STARD13: variants seen among roughly 807,000 people sequenced by gnomAD.
The protein encoded by STARD13 is stAR-related lipid transfer protein 13.
In STARD13, 62 loss-of-function variants were observed where a neutral mutation model predicts 106.4. The ratio of observed to expected loss-of-function variants is 0.58; its 90% CI spans 0.48 to 0.72. The LOEUF is 0.72. STARD13 is among the 30% of genes least tolerant of loss of function. The probability of loss-of-function intolerance (pLI) is 0.00; values close to 1 mark genes in which losing one functional copy is unlikely to be tolerated. For missense variants in STARD13, 1,387 were observed against 1,424.0 expected (o/e 0.97, Z 0.42); for synonymous variants, 565 against 553.0 (o/e 1.02, Z -0.31).
At chr13:33,157,683 A>G (rs1287518658) in intron 3 of STARD13, among the ~76,000 whole-genome samples, 2 of 152,068 alleles carry the variant, frequency 1.3e-5, no homozygotes, top group Non-Finnish European at 2.9e-5. Flanking sequence ...ACAAACAAAC[A>G]AAGAAAGAAA....
intron 1 of STARD13, among the ~76,000 whole-genome samples, chr13:33,242,457 C>G (rs1439598217): frequency 1.3e-5 from 2 of 152,146 alleles, no homozygotes; most frequent in African/African-American, 4.8e-5. Flanking sequence ...TACCCTCAAC[C>G]CCGTGCTCTC....
the STARD13 span, among the ~76,000 whole-genome samples, chr13:33,449,788 T>A: frequency 6.6e-6 from 1 of 152,284 alleles, no homozygotes; most frequent in South Asian, 2.1e-4. Context: ...GTAGTTTTAA[T>A]TGTAGTTATC....
At chr13:33,394,282 A>G in the STARD13 span, among the ~76,000 whole-genome samples, 1 of 152,136 alleles carries the variant, frequency 6.6e-6, no homozygotes, top group Non-Finnish European at 1.5e-5. Context: ...AAATTCCAGA[A>G]TTGCACTGTT....
chr13:33,192,000 C>T (rs1358072380), intron 1 of STARD13, among the ~76,000 whole-genome samples: 1 of 152,226 alleles, frequency 6.6e-6, no homozygotes, highest in African/African-American at 2.4e-5. Context: ...GCCCTTGGTG[C>T]ACATGGCCTT....
At chr13:33,239,008 A>T (rs976225796) in intron 1 of STARD13, among the ~76,000 whole-genome samples, 1 of 152,004 alleles carries the variant, frequency 6.6e-6, no homozygotes, top group Non-Finnish European at 1.5e-5. Context: ...ATTCTATATC[A>T]ATTAAGCAAC....
chr13:33,279,812 T>G (rs1396416886), intron 1 of STARD13: 3 of 152,250 alleles, frequency 2.0e-5, no homozygotes, highest in Admixed American at 6.5e-5. Flanking sequence ...GTAGTAATTT[T>G]TAAAATGTTA....
the STARD13 span, among the ~76,000 whole-genome samples, chr13:33,417,846 AT>A: frequency 6.6e-6 from 1 of 152,182 alleles, no homozygotes; most frequent in Non-Finnish European, 1.5e-5. Context: ...TCTGATATTT[AT>A]TACGGTGATA....
intron 1 of STARD13, among the ~76,000 whole-genome samples, chr13:33,268,914 G>C (rs539534033): frequency 4.2e-4 from 64 of 152,326 alleles, no homozygotes; most frequent in African/African-American, 6.0e-4. Flanking sequence ...ACCAAAGGCT[G>C]CCAGGAAGTT....
chr13:33,180,125 A>G (rs1017937768), intron 1 of STARD13, among the ~76,000 whole-genome samples: 6 of 152,234 alleles, frequency 3.9e-5, no homozygotes, highest in Non-Finnish European at 2.9e-5. Flanking sequence ...TCAGGAAGCC[A>G]TGCTTCACAC....
At chr13:33,117,393 G>A (rs559875789) in intron 8 of STARD13, among the ~76,000 whole-genome samples, 28 of 152,276 alleles carry the variant, frequency 1.8e-4, no homozygotes, top group Non-Finnish European at 2.9e-4. Context: ...TTACAGGCGT[G>A]AGCCACCATG....
At chr13:33,214,734 AC>A in intron 1 of STARD13, among the ~76,000 whole-genome samples, 1 of 144,434 alleles carries the variant, frequency 6.9e-6, no homozygotes, top group African/African-American at 2.6e-5. Flanking sequence ...ACACACACAC[AC>A]ACATCCCCTG....
chr13:33,128,250 G>A (rs925317009), intron 5 of STARD13, among the ~76,000 whole-genome samples: 3 of 152,166 alleles, frequency 2.0e-5, no homozygotes, highest in Non-Finnish European at 4.4e-5. Context: ...GTCTAGGGCT[G>A]TAGAAAATTT....
At chr13:33,667,697 G>A in the STARD13 span, among the ~76,000 whole-genome samples, 1 of 152,332 alleles carries the variant, frequency 6.6e-6, no homozygotes. Flanking sequence ...CAATTTCAGA[G>A]ATGTAAAAAT....
At chr13:33,322,471 A>T (rs1387430980) in intron 1 of STARD13, among the ~76,000 whole-genome samples, 1 of 152,238 alleles carries the variant, frequency 6.6e-6, no homozygotes, top group African/African-American at 2.4e-5. Context: ...CTAACAAATG[A>T]AGCAGAAATT....
the STARD13 span, among the ~76,000 whole-genome samples, chr13:33,508,996 G>T: frequency 6.6e-6 from 1 of 150,826 alleles, no homozygotes; most frequent in African/African-American, 2.4e-5. Flanking sequence ...ATCTAACATA[G>T]AAAACATAGA....
upstream of STARD13, among the ~76,000 whole-genome samples, chr13:33,353,890 C>T (rs79867867): frequency 0.029 from 4,468 of 152,248 alleles, 214 homozygotes; most frequent in African/African-American, 0.1. Flanking sequence ...AGGCCCTGTC[C>T]GTCTTACTTG....
At chr13:33,380,654 A>G in the STARD13 span, among the ~76,000 whole-genome samples, 1 of 151,960 alleles carries the variant, frequency 6.6e-6, no homozygotes, top group Admixed American at 6.6e-5. Context: ...AGAGAATACA[A>G]TGGTGTCAAT....
At chr13:33,288,466 G>C (rs374992443), upstream of STARD13, among the ~76,000 whole-genome samples, 55 of 151,880 alleles carry the variant, frequency 3.6e-4, no homozygotes, top group East Asian at 5.8e-3. Context: ...TAGAGATGGG[G>C]GTCTCTCTTT....
chr13:33,332,509 G>T (rs189928102), intron 1 of STARD13, among the ~76,000 whole-genome samples: 1 of 151,958 alleles, frequency 6.6e-6, no homozygotes, highest in Non-Finnish European at 1.5e-5. Flanking sequence ...TGCCAGGTGG[G>T]GATACAACCA....
Sources: allele counts gnomAD v4.1 joint callset (sites outside exome capture counted in the v4.1 genomes callset), GRCh38; gene constraint gnomAD v4.1.1; transcripts MANE v1.5; gene names NCBI Gene and HGNC (gene_info 2026-07-23, HGNC 2026-07-21).